Variants in TBXAS1 observed in about 807,000 individuals in gnomAD.
TBXAS1 encodes the protein thromboxane-A synthase.
TBXAS1 carries 48 observed loss-of-function variants against 60.7 expected under a neutral mutation model. That is an observed-to-expected ratio of 0.79 (90% CI 0.63 to 1.01). TBXAS1 has a LOEUF of 1.01. Ranked by LOEUF, TBXAS1 falls within the 50% of genes least tolerant of loss-of-function variation. The pLI, the probability that TBXAS1 is intolerant of heterozygous loss-of-function variation, is 0.00. For synonymous variants in TBXAS1, 287 were observed against 269.7 expected (o/e 1.06, Z -0.63); for missense variants, 685 against 686.3 (o/e 1.00, Z 0.02).
At chr7:139,952,875 TAAG>T (rs1051485570) in intron 5 of TBXAS1, among the ~76,000 whole-genome samples, 2 of 152,214 alleles carry the variant, frequency 1.3e-5, no homozygotes, top group African/African-American at 2.4e-5. Flanking sequence ...CTGTGTTAAA[TAAG>T]AAGTTGAAAT....
chr7:139,874,691 C>T (rs1358387372), intron 2 of TBXAS1, among the ~76,000 whole-genome samples: 7 of 152,136 alleles, frequency 4.6e-5, no homozygotes, highest in African/African-American at 1.7e-4. Context: ...TTGCCACCCC[C>T]CACACCCACC....
chr7:139,910,551 C>T lies in TBXAS1; in HGVS notation c.237-674C>T, dbSNP rs566416336. 2.5e-4 allele frequency among the ~76,000 whole-genome samples: 38 copies of T among 152,258 alleles called. No individual in the cohort carries two copies. In the South Asian group the frequency reaches 6.0e-3, roughly 24 times the overall value. ...ACTCAGGAGGCTGAGGCAGAAGAAT[C>T]GCTTGAACCCGGGAGGGGGAGGTTG... On this transcript the variant is annotated intron_variant, in intron 3 of 12. Transcript: ENST00000448866.
chr7:139,928,574 C>A (rs556188767), intron 4 of TBXAS1, among the ~76,000 whole-genome samples: 1 of 152,282 alleles, frequency 6.6e-6, no homozygotes, highest in South Asian at 2.1e-4. Context: ...ATGAAAATAA[C>A]AAATAAAATG....
At chr7:139,914,702 TC>T (rs1425881676) in intron 4 of TBXAS1, among the ~76,000 whole-genome samples, 3 of 152,118 alleles carry the variant, frequency 2.0e-5, no homozygotes, top group Admixed American at 2.0e-4. Flanking sequence ...CATGCACTTT[TC>T]CCCTTCCCTG....
chr7:139,940,431 C>T (rs979892470), intron 5 of TBXAS1, among the ~76,000 whole-genome samples: 1 of 152,184 alleles, frequency 6.6e-6, no homozygotes, highest in African/African-American at 2.4e-5. Flanking sequence ...TACATAATTT[C>T]AGCCACCTCA....
intron 9 of TBXAS1, among the ~76,000 whole-genome samples, chr7:139,982,270 A>C (rs1367215864): frequency 2.0e-5 from 3 of 152,228 alleles, no homozygotes; most frequent in Non-Finnish European, 4.4e-5. Flanking sequence ...GCAACTCTGT[A>C]TTTCATAAGC....
At chr7:139,855,663 AGAAGCCATATCT>A (rs1800532069) in intron 1 of TBXAS1, among the ~76,000 whole-genome samples, 1 of 152,192 alleles carries the variant, frequency 6.6e-6, no homozygotes, top group South Asian at 2.1e-4. Flanking sequence ...TTGTCGTCCC[AGAAGCCATATCT>A]GGAGCAAGGG....
At chr7:139,889,099 G>A (rs1319539230) in intron 3 of TBXAS1, among the ~76,000 whole-genome samples, 3 of 152,050 alleles carry the variant, frequency 2.0e-5, no homozygotes, top group East Asian at 3.9e-4. Context: ...TTGGGAGGCC[G>A]AGGTGGGGAG....
intron 1 of TBXAS1, among the ~76,000 whole-genome samples, chr7:139,843,638 C>T (rs377485650): frequency 6.4e-4 from 98 of 152,292 alleles, no homozygotes; most frequent in African/African-American, 1.8e-3. Flanking sequence ...CCACAGTGCC[C>T]GGCCCACTTT....
intron 1 of TBXAS1, among the ~76,000 whole-genome samples, chr7:139,832,783 A>G (rs1003872725): frequency 1.3e-5 from 2 of 152,236 alleles, no homozygotes; most frequent in Non-Finnish European, 2.9e-5. Context: ...CCTACAAGCT[A>G]GAAGGGATTG....
intron 3 of TBXAS1, among the ~76,000 whole-genome samples, chr7:139,785,487 G>GTT (rs545988193): frequency 1.3e-5 from 2 of 150,448 alleles, no homozygotes; most frequent in African/African-American, 5.0e-5. Flanking sequence ...TGTTGTTGTT[G>GTT]TTTTTTGTGT....
intron 9 of TBXAS1, among the ~76,000 whole-genome samples, chr7:139,976,586 G>A (rs1385000377): frequency 6.6e-6 from 1 of 152,146 alleles, no homozygotes; most frequent in Non-Finnish European, 1.5e-5. Flanking sequence ...GCATGCCACC[G>A]GTCAGACCAA....
intron 4 of TBXAS1, chr7:139,789,163 A>G (rs1797296437): frequency 6.6e-6 from 1 of 151,982 alleles, no homozygotes; most frequent in South Asian, 2.1e-4. Context: ...TGCCTTTTTT[A>G]TAATAATTTG....
intron 11 of TBXAS1, chr7:140,016,489 A>T (rs1287563643): frequency 3.9e-6 from 1 of 257,772 alleles, no homozygotes; most frequent in African/African-American, 2.3e-5. Flanking sequence ...AAGCCAGGAC[A>T]TGGGATACAG....
chr7:139,951,593 T>TAAAAAAAAAAAA (rs66551791), intron 5 of TBXAS1, among the ~76,000 whole-genome samples: 5 of 66,296 alleles, frequency 7.5e-5, no homozygotes, highest in African/African-American at 1.8e-4. Context: ...CCGTCTCTAC[T>TAAAAAAAAAAAA]AAAAAAAAAA....
chr7:139,942,268 T>C (rs1808349413), intron 5 of TBXAS1, among the ~76,000 whole-genome samples: 1 of 152,172 alleles, frequency 6.6e-6, no homozygotes, highest in South Asian at 2.1e-4. Context: ...TTCTTCAAGA[T>C]TCACCATGTA....
intron 10 of TBXAS1, among the ~76,000 whole-genome samples, chr7:140,010,121 G>C (rs1814496843): frequency 6.7e-6 from 1 of 148,780 alleles, no homozygotes; most frequent in Non-Finnish European, 1.5e-5. Flanking sequence ...CTCCACACCT[G>C]CTCCATGGGC....
At position 140,013,792 on chromosome 7, in the gene TBXAS1, C is replaced by T. The variant is rs1173595804; in HGVS notation, c.1227-1931C>T. Among the ~76,000 whole-genome samples, 1 of 152,234 alleles carries T rather than the reference C, an allele frequency of 6.6e-6. No individual in the cohort carries two copies. The highest frequency in any genetic ancestry group is 1.9e-4 in the East Asian group (1 of 5,206). On this transcript the variant is annotated intron_variant, in intron 10 of 12. Coordinates refer to ENST00000448866, the MANE Select transcript of TBXAS1 (RefSeq NM_001061.7). The surrounding 1 kb of genome is among the most constrained non-coding windows in gnomAD (Gnocchi z 4.2). Reference sequence around the variant, plus strand: ...GCAAACCTGGAGACTGCATCAACACCAGCAGCCTCCAACACACCTGACCTG... The same window carrying T: ...GCAAACCTGGAGACTGCATCAACACTAGCAGCCTCCAACACACCTGACCTG...
At chr7:140,008,608 C>T (rs2005751) in intron 10 of TBXAS1, among the ~76,000 whole-genome samples, 50,873 of 151,770 alleles carry the variant, frequency 0.34, 9,015 homozygotes, top group East Asian at 0.61. Context: ...CCACTATGCC[C>T]GGCTAATTTT....
Sources: allele counts gnomAD v4.1 joint callset (sites outside exome capture counted in the v4.1 genomes callset), GRCh38; gene constraint gnomAD v4.1.1; non-coding constraint Gnocchi (gnomAD v3.1); transcripts MANE v1.5; gene names NCBI Gene and HGNC (gene_info 2026-07-23, HGNC 2026-07-21).